The following PPP2R2B variants were observed in gnomAD, a reference collection of about 807,000 sequenced individuals.
PPP2R2B encodes protein phosphatase 2 regulatory subunit Bbeta, also known as serine/threonine-protein phosphatase 2A 55 kDa regulatory subunit B beta isoform.
PPP2R2B carries 5 observed loss-of-function variants against 46.0 expected under a neutral mutation model. The ratio of observed to expected loss-of-function variants is 0.11; its 90% CI spans 0.06 to 0.23. PPP2R2B has a LOEUF of 0.23. PPP2R2B is among the 10% of genes least tolerant of loss of function. The pLI is 1.00. For missense variants in PPP2R2B, 367 were observed against 575.0 expected, an observed-to-expected ratio of 0.64 and a Z score of 3.70; for synonymous variants, 215 against 206.7, an observed-to-expected ratio of 1.04 and a Z score of -0.34.
chr5:146,628,630 T>C (rs1478745411), intron 7 of PPP2R2B, among the ~76,000 whole-genome samples: 1 of 152,160 alleles, frequency 6.6e-6, no homozygotes, highest in African/African-American at 2.4e-5. Context: ...AGAAGGAAGG[T>C]CTGCCCAAAC....
At chr5:146,871,068 G>A (rs534073384) in intron 2 of PPP2R2B, among the ~76,000 whole-genome samples, 2 of 152,320 alleles carry the variant, frequency 1.3e-5, no homozygotes, top group East Asian at 3.9e-4. Context: ...AGATAGTTAT[G>A]TTGGGGCTGA....
intron 2 of PPP2R2B, among the ~76,000 whole-genome samples, chr5:146,702,012 C>G (rs929175724): frequency 4.6e-5 from 7 of 150,890 alleles, no homozygotes; most frequent in Admixed American, 1.3e-4. Flanking sequence ...CACAATTATT[C>G]CCCTGCAGGG....
intron 1 of PPP2R2B, among the ~76,000 whole-genome samples, chr5:147,011,406 C>T (rs900346034): frequency 1.3e-5 from 2 of 152,012 alleles, no homozygotes; most frequent in Non-Finnish European, 2.9e-5. Context: ...ATATATATCA[C>T]AAATAAACTA....
intron 1 of PPP2R2B, among the ~76,000 whole-genome samples, chr5:146,982,963 C>T (rs1461396881): frequency 2.0e-5 from 3 of 151,902 alleles, no homozygotes; most frequent in South Asian, 2.1e-4. Context: ...TGTTAGCTTA[C>T]GTTTTCTCAA....
chr5:147,055,781 G>A (rs777075245), exon 1 of PPP2R2B: 18 of 1,567,374 alleles, frequency 1.1e-5, no homozygotes, highest in Non-Finnish European at 1.5e-5. Flanking sequence ...TAAAAAAACA[G>A]TCTCCTGAAT....
At chr5:146,790,481 TTCTACCCA>T (rs1756127600) in intron 2 of PPP2R2B, among the ~76,000 whole-genome samples, 1 of 152,206 alleles carries the variant, frequency 6.6e-6, no homozygotes, top group Admixed American at 6.5e-5. Context: ...GGGCAGCTCT[TTCTACCCA>T]CAGACTAGAA....
rs1309189573 is a variant in PPP2R2B, at chr5:146,589,387, A to G, written c.*560T>C. The G allele has an allele frequency of 6.5e-6, 1 of 153,764 alleles. No individual in the cohort carries two copies. Among genetic ancestry groups the G allele is most frequent in the African/African-American group, 2.4e-5 (1 of 41,442 alleles). 9.5% of individuals were successfully genotyped at this position (153,764 alleles called of 1,614,324 possible). A position where few individuals can be genotyped will look rare whatever the true frequency, so the allele number is the denominator to read the frequency against. ...CATTCTGCATCCTCTTCTCAGCTTC[A>G]TGCAATAAATCTCTGGCTTAAATGA... On this transcript the variant is annotated 3_prime_UTR_variant, in exon 10 of 10. Transcript: ENST00000394411.
In PPP2R2B at chr5:146,812,828, T is replaced by C. The variant is rs562805710; in HGVS notation, c.70+65174A>G. On this transcript the variant is annotated intron_variant, in intron 2 of 9. Coordinates refer to ENST00000394411, the MANE Select transcript of PPP2R2B (RefSeq NM_181675.4). ...ATATATATATATATATATATATATATACACACACATTTCCATTATAAAACC... is the reference window on the plus strand; with the variant it reads ...ATATATATATATATATATATATATACACACACACATTTCCATTATAAAACC... 4.2e-3 allele frequency among the ~76,000 whole-genome samples: 331 copies of C among 79,636 alleles called. 16 individuals carry two copies. Among genetic ancestry groups the C allele is most frequent in the East Asian group, 4.8e-3 (12 of 2,496 alleles). The allele number at this position is 79,636 out of a possible 152,430, so 52.2% of individuals were successfully genotyped here. A position where few individuals can be genotyped will look rare whatever the true frequency, so the allele number is the denominator to read the frequency against.
At position 146,600,910 on chromosome 5, in the gene PPP2R2B, T is replaced by G. The variant is rs73317457; in HGVS notation, c.791-450A>C. Among the ~76,000 whole-genome samples, 1,254 of 152,338 alleles carry G rather than the reference T, an allele frequency of 8.2e-3. 20 individuals are homozygous for G. The highest frequency in any genetic ancestry group is 0.029 in the African/African-American group (1,194 of 41,574). On this transcript the variant is annotated intron_variant, in intron 7 of 9. Coordinates refer to ENST00000394411, the MANE Select transcript of PPP2R2B (RefSeq NM_181675.4). ...TATAATCTAAATTTAGAATATGTTCTTTACCTCCCCCCAAAAACTCCATAT... is the reference window on the plus strand; with the variant it reads ...TATAATCTAAATTTAGAATATGTTCGTTACCTCCCCCCAAAAACTCCATAT...
chr5:147,071,258 T>G (rs1034917360), intron 2 of PPP2R2B, among the ~76,000 whole-genome samples: 1 of 152,156 alleles, frequency 6.6e-6, no homozygotes, highest in South Asian at 2.1e-4. Context: ...AGGGAATTTA[T>G]CAGCTCTGGG....
At chr5:146,632,097 A>G (rs1184514331) in intron 7 of PPP2R2B, among the ~76,000 whole-genome samples, 1 of 115,002 alleles carries the variant, frequency 8.7e-6, no homozygotes, top group African/African-American at 3.4e-5. Context: ...TGAAGTCCTA[A>G]CTCCCAGTAC....
intron 1 of PPP2R2B, among the ~76,000 whole-genome samples, chr5:146,966,671 TA>T (rs1460408312): frequency 2.6e-5 from 4 of 152,204 alleles, no homozygotes; most frequent in Non-Finnish European, 5.9e-5. Context: ...ATGTGAGCCT[TA>T]TTCCTTTACG....
At chr5:146,935,033 T>C (rs368975511) in intron 1 of PPP2R2B, among the ~76,000 whole-genome samples, 14 of 152,340 alleles carry the variant, frequency 9.2e-5, no homozygotes, top group East Asian at 7.7e-4. Context: ...TGTATTGAAC[T>C]TATATTAGTT....
chr5:146,635,679 T>C (rs1429154079), intron 7 of PPP2R2B, among the ~76,000 whole-genome samples: 1 of 152,226 alleles, frequency 6.6e-6, no homozygotes, highest in African/African-American at 2.4e-5. Flanking sequence ...TCATGTCACC[T>C]CACCCACAGC....
Position 146,797,678 on chromosome 5 carries a change from T to G in PPP2R2B, c.70+80324A>C, listed in dbSNP as rs77785485. On this transcript the variant is annotated intron_variant, in intron 2 of 9. Transcript: ENST00000394411. ...GTCATCAAATGGTATTTATTGAACA[T>G]GCAGTAACTGTCTGGTGAGCTCCAA... Among the ~76,000 whole-genome samples, 541 of 152,340 alleles carry G rather than the reference T, an allele frequency of 3.6e-3. 2 individuals are homozygous for G. Among genetic ancestry groups the G allele is most frequent in the African/African-American group, 0.013 (523 of 41,564 alleles).
intron 7 of PPP2R2B, among the ~76,000 whole-genome samples, chr5:146,628,151 G>T (rs1774186605): frequency 6.6e-6 from 1 of 151,962 alleles, no homozygotes. Flanking sequence ...CACCTTGTTG[G>T]CCAGGCTGGT....
At chr5:147,010,776 G>T (rs1754688643) in intron 1 of PPP2R2B, among the ~76,000 whole-genome samples, 2 of 152,078 alleles carry the variant, frequency 1.3e-5, no homozygotes, top group South Asian at 2.1e-4. Flanking sequence ...TGGGGACCCT[G>T]ATCTAGACTC....
chr5:146,819,463 G>T (rs755582992), intron 2 of PPP2R2B, among the ~76,000 whole-genome samples: 4 of 152,076 alleles, frequency 2.6e-5, no homozygotes, highest in Non-Finnish European at 4.4e-5. Context: ...ATACAACATG[G>T]CACCTCTCTT....
At chr5:147,018,996 A>T (rs1755134772) in intron 1 of PPP2R2B, among the ~76,000 whole-genome samples, 1 of 152,202 alleles carries the variant, frequency 6.6e-6, no homozygotes, top group Admixed American at 6.5e-5. Context: ...CTACAAATCA[A>T]ATACTGCTCT....
Sources: allele counts gnomAD v4.1 joint callset (sites outside exome capture counted in the v4.1 genomes callset), GRCh38; gene constraint gnomAD v4.1.1; transcripts MANE v1.5; gene names NCBI Gene and HGNC (gene_info 2026-07-23, HGNC 2026-07-21).